CSMD3: variants seen among roughly 807,000 people sequenced by gnomAD.
The protein encoded by CSMD3 is CUB and sushi domain-containing protein 3.
In CSMD3, 177 loss-of-function variants were observed where a neutral mutation model predicts 435.2. That is an observed-to-expected ratio of 0.41 (90% CI 0.36 to 0.46). The LOEUF is 0.46. Ranked by LOEUF, CSMD3 falls within the 20% of genes least tolerant of loss-of-function variation. The pLI is 0.34. For missense variants in CSMD3, 4,265 were observed against 4,504.6 expected (o/e 0.95, Z 1.52); for synonymous variants, 1,656 against 1,520.5 (o/e 1.09, Z -2.07).
At chr8:112,773,054 C>A (rs2078161287) in intron 13 of CSMD3, among the ~76,000 whole-genome samples, 1 of 152,000 alleles carries the variant, frequency 6.6e-6, no homozygotes, top group Non-Finnish European at 1.5e-5. Context: ...TTTTCTATCT[C>A]TATACTTTGT....
At chr8:112,327,291 G>A (rs969859225) in intron 45 of CSMD3, among the ~76,000 whole-genome samples, 1 of 151,990 alleles carries the variant, frequency 6.6e-6, no homozygotes, top group African/African-American at 2.4e-5. Context: ...AACAGGTCTG[G>A]TACAAATATA....
intron 32 of CSMD3, among the ~76,000 whole-genome samples, chr8:112,421,492 C>G (rs924732105): frequency 6.6e-6 from 1 of 150,600 alleles, no homozygotes; most frequent in Non-Finnish European, 1.5e-5. Context: ...TGTAGTGAGC[C>G]AAGATTGTGC....
chr8:112,714,719 A>G (rs2076685436), intron 13 of CSMD3, among the ~76,000 whole-genome samples: 1 of 152,164 alleles, frequency 6.6e-6, no homozygotes. Context: ...ATAATAAAAA[A>G]CAGTCTCTCA....
intron 13 of CSMD3, among the ~76,000 whole-genome samples, chr8:112,770,234 T>C (rs1195791158): frequency 6.6e-6 from 1 of 152,018 alleles, no homozygotes; most frequent in Non-Finnish European, 1.5e-5. Flanking sequence ...TAATTGCCAA[T>C]GTAATGGTAT....
chr8:112,677,057 C>G (rs935996245), intron 16 of CSMD3, among the ~76,000 whole-genome samples: 1 of 152,042 alleles, frequency 6.6e-6, no homozygotes, highest in Admixed American at 6.6e-5. Flanking sequence ...TCCAAGGAGA[C>G]AGAATGTCAA....
intron 31 of CSMD3, among the ~76,000 whole-genome samples, chr8:112,479,221 T>C (rs1489275227): frequency 6.6e-6 from 1 of 152,050 alleles, no homozygotes; most frequent in African/African-American, 2.4e-5. Flanking sequence ...GAGAAGAAAA[T>C]ATCGTACATC....
intron 27 of CSMD3, 67 bp from the exon 28 acceptor site, chr8:112,517,292 G>A: frequency 8.7e-7 from 1 of 1,153,420 alleles, no homozygotes; most frequent in South Asian, 1.4e-5. Context: ...ATATCCCTGT[G>A]TTTTAGAAAA....
chr8:113,227,703 C>A (rs188372047), intron 3 of CSMD3, among the ~76,000 whole-genome samples: 1 of 151,604 alleles, frequency 6.6e-6, no homozygotes, highest in East Asian at 1.9e-4. Flanking sequence ...GAAGAAGATG[C>A]TTGCTTTTCC....
intron 3 of CSMD3, among the ~76,000 whole-genome samples, chr8:113,194,081 T>C (rs1408686385): frequency 6.6e-6 from 1 of 151,252 alleles, no homozygotes; most frequent in African/African-American, 2.4e-5. Flanking sequence ...CAATTTTCTT[T>C]GGGGGAAAAA....
chr8:113,123,496 G>C (rs1273002538), intron 4 of CSMD3, among the ~76,000 whole-genome samples: 1 of 152,002 alleles, frequency 6.6e-6, no homozygotes, highest in Non-Finnish European at 1.5e-5. Context: ...TCTTTCTTAA[G>C]TTATTTATGT....
intron 2 of CSMD3, among the ~76,000 whole-genome samples, chr8:113,298,032 G>T (rs947024103): frequency 5.3e-5 from 8 of 152,024 alleles, no homozygotes; most frequent in Admixed American, 3.3e-4. Context: ...ACAACACACA[G>T]TAAGTACAAT....
At chr8:112,775,882 A>C (rs1392426263) in intron 13 of CSMD3, among the ~76,000 whole-genome samples, 1 of 151,812 alleles carries the variant, frequency 6.6e-6, no homozygotes, top group Non-Finnish European at 1.5e-5. Context: ...AAAAACTAAT[A>C]CCTTTTATCT....
intron 12 of CSMD3, among the ~76,000 whole-genome samples, chr8:112,810,831 G>A (rs1042041028): frequency 1.3e-5 from 2 of 152,046 alleles, no homozygotes; most frequent in Non-Finnish European, 2.9e-5. Context: ...AGATATTTGA[G>A]TTCTAGGGTT....
chr8:112,392,556 A>G (rs1399502077), intron 35 of CSMD3, among the ~76,000 whole-genome samples: 1 of 152,088 alleles, frequency 6.6e-6, no homozygotes, highest in African/African-American at 2.4e-5. Context: ...CCCAAAAAAT[A>G]GAACAAAAAC....
chr8:112,916,462 G>C (rs1365722799), intron 10 of CSMD3, among the ~76,000 whole-genome samples: 1 of 149,560 alleles, frequency 6.7e-6, no homozygotes, highest in Admixed American at 6.7e-5. Context: ...ATGGCTTTTA[G>C]AAAAAAAAAC....
At chr8:113,340,660 A>G (rs1017215793) in intron 1 of CSMD3, among the ~76,000 whole-genome samples, 7 of 152,058 alleles carry the variant, frequency 4.6e-5, no homozygotes, top group African/African-American at 1.4e-4. Flanking sequence ...TGATCACTTG[A>G]GGCCAGGAGT....
At chr8:112,780,462 A>C (rs1168045690) in intron 13 of CSMD3, among the ~76,000 whole-genome samples, 1 of 152,048 alleles carries the variant, frequency 6.6e-6, no homozygotes, top group Admixed American at 6.6e-5. Context: ...AAAATCATCA[A>C]ATTGAACATC....
At chr8:112,891,298 A>T (rs920239498) in intron 10 of CSMD3, among the ~76,000 whole-genome samples, 1 of 151,626 alleles carries the variant, frequency 6.6e-6, no homozygotes, top group Admixed American at 6.6e-5. Flanking sequence ...AACTCTGCAC[A>T]TTCAATCTTG....
chr8:112,745,668 TC>T, intron 13 of CSMD3, among the ~76,000 whole-genome samples: 2 of 151,794 alleles, frequency 1.3e-5, no homozygotes, highest in East Asian at 3.9e-4. Flanking sequence ...ATTCTAAGTT[TC>T]TTTTTTTTGT....
Sources: allele counts gnomAD v4.1 joint callset (sites outside exome capture counted in the v4.1 genomes callset), GRCh38; gene constraint gnomAD v4.1.1; transcripts MANE v1.5; gene names NCBI Gene and HGNC (gene_info 2026-07-23, HGNC 2026-07-21).